The following PANK2 variants were observed in gnomAD, a reference collection of about 807,000 sequenced individuals.
PANK2 encodes pantothenate kinase 2.
A neutral mutation model predicts 43.1 loss-of-function variants in PANK2; 36 were observed. The ratio of observed to expected loss-of-function variants is 0.84; its 90% confidence interval spans 0.64 to 1.10. The LOEUF (loss-of-function observed/expected upper bound fraction) is 1.10, where lower values mean the gene tolerates loss of function less well. PANK2 is among the 50% of genes least tolerant of loss of function. The pLI is 0.00. For synonymous variants in PANK2, 281 were observed against 238.2 expected (o/e 1.18, Z -1.66); for missense variants, 576 against 593.3 (o/e 0.97, Z 0.30).
intron 6 of PANK2, among the ~76,000 whole-genome samples, chr20:3,922,392 A>C (rs2090660187): frequency 6.6e-6 from 1 of 152,212 alleles, no homozygotes; most frequent in Non-Finnish European, 1.5e-5. Flanking sequence ...TTCTGGAGAC[A>C]GTACAGTGCT....
At chr20:3,893,797 A>G (rs958498560) in intron 1 of PANK2, among the ~76,000 whole-genome samples, 6 of 151,938 alleles carry the variant, frequency 3.9e-5, no homozygotes, top group East Asian at 1.9e-4. Context: ...GGCTGCCTTT[A>G]TTAGGCTCAG....
At chr20:3,889,191 G>C (rs1410873147), upstream of PANK2, 2 of 1,611,574 alleles carry the variant, frequency 1.2e-6, no homozygotes, top group African/African-American at 1.3e-5. Flanking sequence ...CTTCCTCCGC[G>C]GAACCCGGAT....
chr20:3,911,825 G>T (rs1305551053), intron 3 of PANK2, among the ~76,000 whole-genome samples: 1 of 152,140 alleles, frequency 6.6e-6, no homozygotes, highest in Admixed American at 6.5e-5. Context: ...AGGAGGCAAA[G>T]GTTGCGGTGA....
intron 1 of PANK2, among the ~76,000 whole-genome samples, chr20:3,894,474 C>T (rs539560902): frequency 2.8e-4 from 40 of 144,480 alleles, no homozygotes; most frequent in African/African-American, 1.0e-3. Context: ...TCTGGACCTC[C>T]GGTGATCTGC....
At chr20:3,896,869 G>A (rs926341220) in intron 1 of PANK2, among the ~76,000 whole-genome samples, 1 of 152,172 alleles carries the variant, frequency 6.6e-6, no homozygotes, top group African/African-American at 2.4e-5. Flanking sequence ...CTTAGGTTCT[G>A]TGATCCAGTC....
intron 2 of PANK2, among the ~76,000 whole-genome samples, chr20:3,910,293 T>TG (rs946609692): frequency 5.5e-5 from 6 of 109,472 alleles, no homozygotes; most frequent in Non-Finnish European, 6.1e-5. Flanking sequence ...ATAAATGCTG[T>TG]GGTTTTTTTT....
chr20:3,889,812 T>A (rs2146806462), intron 1 of PANK2, 84 bp downstream of exon 1: 1 of 1,539,616 alleles, frequency 6.5e-7, no homozygotes, highest in African/African-American at 1.4e-5. Context: ...CGCCGCCGTT[T>A]TTCCCGCGCG....
intron 6 of PANK2, among the ~76,000 whole-genome samples, chr20:3,920,406 A>T (rs573943193): frequency 1.3e-5 from 2 of 152,210 alleles, no homozygotes; most frequent in South Asian, 4.1e-4. Context: ...ATCCCCAGCT[A>T]CTCGGGAGGC....
chr20:3,892,204 C>T (rs955039847), intron 1 of PANK2, among the ~76,000 whole-genome samples: 5 of 151,970 alleles, frequency 3.3e-5, no homozygotes, highest in Non-Finnish European at 7.4e-5. Flanking sequence ...ATTAGCTGGG[C>T]GTGGTGGTGC....
chr20:3,898,266 C>T (rs2090242975), intron 1 of PANK2, among the ~76,000 whole-genome samples: 1 of 151,576 alleles, frequency 6.6e-6, no homozygotes, highest in Non-Finnish European at 1.5e-5. Flanking sequence ...GTGGCACGAT[C>T]TTGGCTAACT....
chr20:3,917,536 G>A (rs868616864), intron 5 of PANK2: 2 of 534,542 alleles, frequency 3.7e-6, no homozygotes, highest in Middle Eastern at 3.2e-4. Flanking sequence ...GTAGCATTCA[G>A]GTCAAGCAGC....
Position 3,914,003 on chromosome 20 carries a change from A to T in PANK2, c.1082+1369A>T, listed in dbSNP as rs575282916. On this transcript the variant is annotated intron_variant, in intron 4 of 6. Coordinates refer to ENST00000610179, the MANE Select transcript of PANK2 (RefSeq NM_001386393.1). ...ATGGGGTTTCACTATGTTGGCCAGG[A>T]TGGTCTCGATCTGCTGACCTCATGA... is the stretch of plus-strand genomic sequence containing the variant. Among the ~76,000 whole-genome samples, 9 of 151,124 alleles carry T rather than the reference A, an allele frequency of 6.0e-5. No individual in the cohort carries two copies. In the South Asian group the frequency reaches 6.3e-4, roughly 11 times the overall value.
chr20:3,904,407 C>G (rs1260080752), intron 1 of PANK2, among the ~76,000 whole-genome samples: 1 of 151,802 alleles, frequency 6.6e-6, no homozygotes, highest in Non-Finnish European at 1.5e-5. Flanking sequence ...ACAGTGAGAC[C>G]TTGTCTCTCC....
At chr20:3,894,258 T>C (rs981851298) in intron 1 of PANK2, among the ~76,000 whole-genome samples, 1 of 148,236 alleles carries the variant, frequency 6.7e-6, no homozygotes, top group Non-Finnish European at 1.5e-5. Flanking sequence ...TTGTTTGTTT[T>C]TGAGACAGTT....
chr20:3,889,155 C>T (rs1568549056), upstream of PANK2: 7 of 1,593,282 alleles, frequency 4.4e-6, no homozygotes, highest in Non-Finnish European at 6.0e-6. Context: ...GCCGCCATCA[C>T]TCTCTTCTGG....
intron 6 of PANK2, among the ~76,000 whole-genome samples, chr20:3,919,219 G>T (rs929653042): frequency 4.6e-5 from 7 of 152,030 alleles, no homozygotes; most frequent in African/African-American, 1.7e-4. Flanking sequence ...AACTTTTTTG[G>T]TAGTTTAATT....
At chr20:3,893,889 T>C (rs937935139) in intron 1 of PANK2, among the ~76,000 whole-genome samples, 2 of 151,308 alleles carry the variant, frequency 1.3e-5, no homozygotes, top group Non-Finnish European at 1.5e-5. Flanking sequence ...TTGTGGCCCA[T>C]TGGGAGAGGC....
intron 1 of PANK2, among the ~76,000 whole-genome samples, chr20:3,891,627 C>T (rs1312710016): frequency 6.6e-6 from 1 of 152,158 alleles, no homozygotes; most frequent in Non-Finnish European, 1.5e-5. Context: ...GTGTTCAAGA[C>T]TGACTTACTT....
At chr20:3,907,518 C>T (rs575297323) in intron 1 of PANK2, among the ~76,000 whole-genome samples, 14 of 152,148 alleles carry the variant, frequency 9.2e-5, no homozygotes, top group African/African-American at 3.1e-4. Flanking sequence ...TGGGAATTTC[C>T]TGTTTCTAGT....
Sources: allele counts gnomAD v4.1 joint callset (sites outside exome capture counted in the v4.1 genomes callset), GRCh38; gene constraint gnomAD v4.1.1; transcripts MANE v1.5; gene names NCBI Gene and HGNC (gene_info 2026-07-23, HGNC 2026-07-21).